Variants in BCL2L1 observed in about 807,000 individuals in gnomAD.
The protein encoded by BCL2L1 is BCL2 like 1, also known as bcl-2-like protein 1.
In BCL2L1, 1 loss-of-function variant was observed where a neutral mutation model predicts 18.7. The observed-to-expected ratio is 0.05, with a 90% CI of 0.02 to 0.25. The LOEUF (loss-of-function observed/expected upper bound fraction) is 0.25. Among genes scored for constraint, BCL2L1 ranks in the 10% least tolerant of loss-of-function variants. The pLI is 1.00. For missense variants in BCL2L1, 207 were observed against 304.9 expected (o/e 0.68, Z 2.39); for synonymous variants, 103 against 122.7 (o/e 0.84, Z 1.06).
At chr20:31,702,980 A>G (rs1401691991) in intron 2 of BCL2L1, among the ~76,000 whole-genome samples, 2 of 151,896 alleles carry the variant, frequency 1.3e-5, no homozygotes, top group Non-Finnish European at 2.9e-5. Context: ...TTTTATTCTA[A>G]CTACAGTGGA....
intron 2 of BCL2L1, among the ~76,000 whole-genome samples, chr20:31,712,109 C>T (rs2061462211): frequency 6.6e-6 from 1 of 152,172 alleles, no homozygotes; most frequent in Non-Finnish European, 1.5e-5. Flanking sequence ...ATAAGCCCTC[C>T]CAAATCTCAG....
intron 2 of BCL2L1, among the ~76,000 whole-genome samples, chr20:31,700,907 G>C (rs1031283951): frequency 6.6e-6 from 1 of 152,300 alleles, no homozygotes; most frequent in South Asian, 2.1e-4. Context: ...GAGGGGTCTA[G>C]GCTCCTCCCT....
chr20:31,695,376 C>A (rs2061151060), intron 2 of BCL2L1, among the ~76,000 whole-genome samples: 1 of 152,380 alleles, frequency 6.6e-6, no homozygotes, highest in East Asian at 1.9e-4. Flanking sequence ...CGTCTCAGAC[C>A]TGATTCCTAC....
intron 2 of BCL2L1, among the ~76,000 whole-genome samples, chr20:31,679,397 G>C (rs2060818966): frequency 6.6e-6 from 1 of 152,146 alleles, no homozygotes; most frequent in Non-Finnish European, 1.5e-5. Flanking sequence ...GAAGTGAAGG[G>C]ATACCTCCAA....
intron 2 of BCL2L1, among the ~76,000 whole-genome samples, chr20:31,675,061 T>A (rs1433645882): frequency 6.6e-6 from 1 of 151,872 alleles, no homozygotes; most frequent in Admixed American, 6.6e-5. Context: ...AGGAAAAGGA[T>A]GTGACGAAGA....
chr20:31,684,200 T>C (rs549286671), intron 2 of BCL2L1, among the ~76,000 whole-genome samples: 1 of 152,112 alleles, frequency 6.6e-6, no homozygotes. Flanking sequence ...AGGAAAGGTA[T>C]AGCTAGGTTG....
intron 2 of BCL2L1, chr20:31,720,425 G>T (rs930344001): frequency 3.2e-6 from 2 of 621,756 alleles, no homozygotes; most frequent in Non-Finnish European, 4.0e-6. Flanking sequence ...TACTCTGAGG[G>T]GATAGAACAT....
rs531471504 is a variant in BCL2L1, at chr20:31,665,450, C to G, written c.*499G>C. 6.4e-6 allele frequency: 1 copy of G among 156,826 alleles called. No individual in the cohort carries two copies. Among genetic ancestry groups the G allele is most frequent in the South Asian group, 2.0e-4 (1 of 5,118 alleles). The allele number at this position is 156,826 out of a possible 1,614,324, so 9.7% of individuals were successfully genotyped here. ...CTAGTCAAAAGTGGCCCCTAAATGG[C>G]TCTTAGGGGGTAGGGATGGAAGGAA... On this transcript the variant is annotated 3_prime_UTR_variant, in exon 3 of 3. Coordinates refer to ENST00000307677, the MANE Select transcript of BCL2L1 (RefSeq NM_138578.3).
chr20:31,709,743 G>A (rs564327169), intron 2 of BCL2L1, among the ~76,000 whole-genome samples: 44 of 149,974 alleles, frequency 2.9e-4, no homozygotes, highest in African/African-American at 1.1e-3. Flanking sequence ...GCTGAGGCAG[G>A]AGAATGGCGT....
intron 2 of BCL2L1, among the ~76,000 whole-genome samples, chr20:31,719,335 T>C (rs1265005735): frequency 6.6e-6 from 1 of 152,104 alleles, no homozygotes; most frequent in East Asian, 1.9e-4. Context: ...GAATAGCCCA[T>C]AACTCCTACC....
At chr20:31,723,782 C>G (rs1241334461), upstream of BCL2L1, 1 of 985,462 alleles carries the variant, frequency 1.0e-6, no homozygotes, top group Non-Finnish European at 1.2e-6. Flanking sequence ...TTCATCGGCC[C>G]GGTAGCTTCC....
intron 2 of BCL2L1, among the ~76,000 whole-genome samples, chr20:31,692,990 G>A (rs6121124): frequency 0.35 from 51,747 of 148,770 alleles, 10,368 homozygotes; most frequent in African/African-American, 0.54. Flanking sequence ...AGAACCGCTT[G>A]AACCCAGGAG....
chr20:31,709,651 G>A (rs1339827520), intron 2 of BCL2L1, among the ~76,000 whole-genome samples: 1 of 151,726 alleles, frequency 6.6e-6, no homozygotes, highest in Non-Finnish European at 1.5e-5. Flanking sequence ...GGCTAACACG[G>A]TGAAACCCCG....
In BCL2L1 at chr20:31,665,704, T is replaced by C. The variant is rs890642399; in HGVS notation, c.*245A>G. On this transcript the variant is annotated 3_prime_UTR_variant, in exon 3 of 3. Transcript: ENST00000307677. Reference sequence around the variant, plus strand: ...ACCCTTCCATACCTGCCAGCCTCCTTTGGACAGATTTTGTGGAAATTTTGT... The same window carrying C: ...ACCCTTCCATACCTGCCAGCCTCCTCTGGACAGATTTTGTGGAAATTTTGT... 24 of 575,376 alleles carry C rather than the reference T, an allele frequency of 4.2e-5. No homozygotes were observed. The highest frequency in any genetic ancestry group is 6.7e-5 in the Non-Finnish European group (22 of 330,304). 35.6% of individuals were successfully genotyped at this position (575,376 alleles called of 1,614,324 possible).
chr20:31,693,017 G>A (rs1045770483), intron 2 of BCL2L1, among the ~76,000 whole-genome samples: 3 of 149,672 alleles, frequency 2.0e-5, no homozygotes, highest in Non-Finnish European at 3.0e-5. Flanking sequence ...GTTGCAGTGA[G>A]CTGAGGTCGC....
At chr20:31,720,861 G>A in intron 2 of BCL2L1, 2 of 985,358 alleles carry the variant, frequency 2.0e-6, no homozygotes, top group Non-Finnish European at 2.4e-6. Flanking sequence ...GCTTGAAGAG[G>A]CCCCTGGGCT....
At chr20:31,673,095 A>T in intron 2 of BCL2L1, among the ~76,000 whole-genome samples, 1 of 127,636 alleles carries the variant, frequency 7.8e-6, no homozygotes. Flanking sequence ...TTTTTGAGAT[A>T]GCCTCTCACT....
At chr20:31,681,414 G>T (rs956441058) in intron 2 of BCL2L1, among the ~76,000 whole-genome samples, 3 of 152,200 alleles carry the variant, frequency 2.0e-5, no homozygotes, top group African/African-American at 7.2e-5. Flanking sequence ...TTGGGAGGCC[G>T]AGGTGAGAGG....
At chr20:31,675,423 G>A (rs1568854343) in intron 2 of BCL2L1, among the ~76,000 whole-genome samples, 2 of 152,134 alleles carry the variant, frequency 1.3e-5, no homozygotes, top group African/African-American at 2.4e-5. Flanking sequence ...CTAGAAGATC[G>A]CTGGGAGATG....
Sources: gnomAD v4.1 joint callset for allele counts (sites outside exome capture counted in the v4.1 genomes callset) on GRCh38, gnomAD v4.1.1 for gene constraint, MANE v1.5 for transcripts, NCBI Gene and HGNC (gene_info 2026-07-23, HGNC 2026-07-21) for gene names.